DNAAF1: variants seen among roughly 807,000 people sequenced by gnomAD.
DNAAF1 encodes the protein dynein axonemal assembly factor 1.
A neutral mutation model predicts 71.1 loss-of-function variants in DNAAF1; 65 were observed. The observed-to-expected ratio is 0.91, with a 90% CI of 0.75 to 1.12. The LOEUF is 1.12. DNAAF1 is among the 50% of genes most tolerant of loss of function. DNAAF1 has a pLI of 0.00. For synonymous variants in DNAAF1, 414 were observed against 354.6 expected (o/e 1.17, Z -1.88); for missense variants, 1,178 against 899.8 (o/e 1.31, Z -3.96).
intron 5 of DNAAF1, chr16:84,159,186 C>G (rs779215626): frequency 1.1e-5 from 11 of 1,001,084 alleles, no homozygotes; most frequent in Non-Finnish European, 1.3e-5. Context: ...GAAGAAGGGC[C>G]GTCCATCCTG....
Position 84,150,322 on chromosome 16 carries a change from C to T in DNAAF1, c.332C>T (p.Thr111Met), listed in dbSNP as rs375812500. The T allele has an allele frequency of 1.1e-5, 18 of 1,612,752 alleles. No homozygotes were observed. The highest frequency in any genetic ancestry group is 4.5e-5 in the East Asian group (2 of 44,874). The stretch of plus-strand genomic sequence containing the variant: ...TATATTACCCCAGCATTGAATGATA[C>T]GCTGTATTTACACTTTAAAGGTAAG... ...KLYITPALND[T>M]LYLHFKGFDR... The change falls in exon 3 of 12, where the codon ACG becomes ATG. Residue 111 changes from threonine to methionine, a missense_variant. Thr to Met is a moderately conservative substitution (Grantham distance 81). Transcript: ENST00000378553.
In DNAAF1 at chr16:84,166,064, TAGAC is replaced by T. The variant is rs1453529674; in HGVS notation, c.1030+119_1030+122del. 2.8e-6 allele frequency: 3 copies of T among 1,053,368 alleles called. No homozygotes were observed. In the African/African-American group the frequency reaches 5.5e-5, roughly 19 times the overall value. 65.3% of individuals were successfully genotyped at this position (1,053,368 alleles called of 1,614,324 possible). ...TTTTTTTTTTTTTTTTTTTTTTTTT[TAGAC>T]AGAGTCTTGCTCTGTCACTGAGGTT... On this transcript the variant is annotated intron_variant, in intron 7 of 11. Transcript: ENST00000378553.
chr16:84,155,814 A>G, intron 5 of DNAAF1, 65 bp downstream of exon 5: 1 of 1,579,714 alleles, frequency 6.3e-7, no homozygotes, highest in Non-Finnish European at 8.6e-7. Flanking sequence ...ATTTTCATCA[A>G]ATATCAAGTC....
Position 84,165,817 on chromosome 16 carries a change from G to T in DNAAF1, c.898G>T (p.Ala300Ser). 1 of 1,613,628 alleles carries T rather than the reference G, an allele frequency of 6.2e-7. No individual in the cohort carries two copies. The highest frequency in any genetic ancestry group is 8.5e-7 in the Non-Finnish European group (1 of 1,179,966). Residue 300 changes from alanine to serine, a missense_variant, in exon 7 of 12, where the codon GCA (alanine) becomes TCA (serine). Physicochemically the swap from Ala to Ser is moderately conservative, Grantham distance 99. Transcript: ENST00000378553. The stretch of plus-strand genomic sequence containing the variant: ...GGAGGCCTGGGCTAGGGGAGGGTAC[G>T]CAGCTGAAAAGGAGGAGAGACAGCA... Reference protein sequence around the residue: ...CAEAWARGGYAAEKEERQQWE... With the variant: ...CAEAWARGGYSAEKEERQQWE...
intron 5 of DNAAF1, chr16:84,159,312 A>G: frequency 1.0e-6 from 1 of 1,000,992 alleles, no homozygotes; most frequent in South Asian, 2.3e-5. Flanking sequence ...GAAGAAAAGA[A>G]AACAATCAAT....
intron 8 of DNAAF1, 128 bp downstream of exon 8, chr16:84,170,484 T>TGGA: frequency 7.1e-7 from 1 of 1,415,072 alleles, no homozygotes; most frequent in Non-Finnish European, 9.7e-7. Context: ...TAGAAGATAA[T>TGGA]GGACACTAGT....
chr16:84,165,100 G>A (rs941042897), intron 6 of DNAAF1, among the ~76,000 whole-genome samples: 6 of 152,036 alleles, frequency 3.9e-5, no homozygotes, highest in African/African-American at 1.4e-4. Flanking sequence ...TTTTTATTGC[G>A]TTGTTTCCTT....
chr16:84,154,496 T>C (rs1234728641), intron 3 of DNAAF1, 81 bp from the exon 4 acceptor site: 12 of 1,225,578 alleles, frequency 9.8e-6, no homozygotes, highest in East Asian at 2.4e-5. Flanking sequence ...CAGTTCCTAA[T>C]AGTAGGCAAA....
intron 3 of DNAAF1, among the ~76,000 whole-genome samples, chr16:84,150,684 C>G (rs561966677): frequency 1.4e-5 from 2 of 143,464 alleles, no homozygotes; most frequent in African/African-American, 5.2e-5. Context: ...GGTGCAATCT[C>G]TGCTCACTGC....
intron 1 of DNAAF1, among the ~76,000 whole-genome samples, chr16:84,148,802 C>T (rs945421139): frequency 1.2e-4 from 18 of 151,026 alleles, no homozygotes; most frequent in Admixed American, 3.3e-4. Flanking sequence ...GTTGCTCAGG[C>T]TGGTCTCAAA....
intron 6 of DNAAF1, among the ~76,000 whole-genome samples, chr16:84,160,162 A>C (rs1177163587): frequency 3.3e-5 from 5 of 152,220 alleles, no homozygotes; most frequent in Non-Finnish European, 5.9e-5. Flanking sequence ...AACCTCACAT[A>C]ACATAACCAT....
chr16:84,159,558 C>A, intron 5 of DNAAF1, 117 bp from the exon 6 acceptor site: 1 of 1,375,804 alleles, frequency 7.3e-7, no homozygotes. Context: ...AGGATATTGG[C>A]ACTTCTATTT....
Position 84,172,358 on chromosome 16 carries a change from G to C in DNAAF1, c.1627G>C (p.Glu543Gln). The change falls in exon 9 of 12, where the codon GAG becomes CAG. Residue 543 changes from glutamate to glutamine, a missense_variant. Transcript: ENST00000378553. ...AGAAACCATTAGACTGGAGACAAAG[G>C]AGACATTCTGCATTGATGTACATGA... ...DLETIRLETK[E>Q]TFCIDDLPDL... 6.2e-7 allele frequency: 1 copy of C among 1,614,052 alleles called. No homozygotes were observed. Among genetic ancestry groups the C allele is most frequent in the South Asian group, 1.1e-5 (1 of 91,078 alleles).
At chr16:84,173,483 A>C in intron 9 of DNAAF1, 1 of 984,356 alleles carries the variant, frequency 1.0e-6, no homozygotes, top group South Asian at 4.7e-5. Context: ...AAAAAGAGTT[A>C]AAGTGATCAC....
chr16:84,159,794 C>T lies in DNAAF1; in HGVS notation c.861C>T (p.Asp287=). The change falls in exon 6 of 12, where the codon GAC becomes GAT. Residue 287 remains aspartate, a splice_region_variant and synonymous_variant. Coordinates refer to ENST00000378553, the MANE Select transcript of DNAAF1 (RefSeq NM_178452.6). ...YLDDRPVFPK[D]RACAEAWARG... is the part of the protein sequence containing the mutation. ...ATGATAGACCAGTGTTTCCAAAGGA[C>T]AGGTAAGAAGAGAAAAGCCTTCTGA... is the stretch of plus-strand genomic sequence containing the variant. 6.2e-7 allele frequency: 1 copy of T among 1,613,660 alleles called. No homozygotes were observed. Among genetic ancestry groups the T allele is most frequent in the Non-Finnish European group, 8.5e-7 (1 of 1,179,798 alleles).
chr16:84,162,385 T>C (rs994791954), intron 6 of DNAAF1, among the ~76,000 whole-genome samples: 1 of 151,852 alleles, frequency 6.6e-6, no homozygotes, highest in Non-Finnish European at 1.5e-5. Context: ...GGTGGATCAC[T>C]TGAGGTCAGG....
intron 8 of DNAAF1, among the ~76,000 whole-genome samples, chr16:84,170,964 A>G (rs1012613711): frequency 3.9e-5 from 6 of 152,380 alleles, no homozygotes; most frequent in African/African-American, 1.4e-4. Flanking sequence ...TATAAAAATT[A>G]TCAGTGAGCT....
At chr16:84,159,641 AG>A in intron 5 of DNAAF1, 33 bp from the exon 6 acceptor site, 1 of 1,588,940 alleles carries the variant, frequency 6.3e-7, no homozygotes, top group Non-Finnish European at 8.6e-7. Context: ...CGCATCTTTC[AG>A]TAATCATTTT....
rs766159654 is a variant in DNAAF1, at chr16:84,176,314, C to T, written c.2065+15C>T. 4 of 1,612,972 alleles carry T rather than the reference C, an allele frequency of 2.5e-6. No individual in the cohort carries two copies. Among genetic ancestry groups the T allele is most frequent in the South Asian group, 2.2e-5 (2 of 91,060 alleles). The stretch of plus-strand genomic sequence containing the variant: ...CTCTTCTCCGGGTAAGAGCGTGGGG[C>T]CGAGAGCACAGTGGAGACAATGTTG... On this transcript the variant is annotated intron_variant, in intron 11 of 11. Coordinates refer to ENST00000378553, the MANE Select transcript of DNAAF1 (RefSeq NM_178452.6).
Sources: allele counts gnomAD v4.1 joint callset (sites outside exome capture counted in the v4.1 genomes callset), GRCh38; gene constraint gnomAD v4.1.1; transcripts MANE v1.5; gene names NCBI Gene and HGNC (gene_info 2026-07-23, HGNC 2026-07-21).